The following DMD variants were observed in gnomAD, a reference collection of about 807,000 sequenced individuals.
The protein encoded by DMD is mutant dystrophin.
A neutral mutation model predicts 330.1 loss-of-function variants in DMD; 63 were observed. That is an observed-to-expected ratio of 0.19 (90% CI 0.16 to 0.24). The LOEUF is 0.24. Ranked by LOEUF, DMD falls within the 10% of genes least tolerant of loss-of-function variation. The probability of loss-of-function intolerance (pLI) is 1.00; values close to 1 mark genes in which losing one functional copy is unlikely to be tolerated. For missense variants in DMD, 3,344 were observed against 2,684.1 expected (o/e 1.25, Z -5.43); for synonymous variants, 1,223 against 959.8 (o/e 1.27, Z -5.07).
chrX:31,967,013 A>G (rs1025963168), intron 45 of DMD, among the ~76,000 whole-genome samples: 1 of 110,245 alleles, frequency 9.1e-6, no homozygotes, highest in Non-Finnish European at 1.9e-5. Context: ...ATTTCTTACC[A>G]TCTTAATTTG....
intron 57 of DMD, among the ~76,000 whole-genome samples, chrX:31,489,768 A>T (rs1362421578): frequency 8.9e-6 from 1 of 112,138 alleles, no homozygotes; most frequent in Non-Finnish European, 1.9e-5. Flanking sequence ...ACAGAAAAAA[A>T]TCAAGGGGAT....
chrX:31,321,360 G>A (rs1601847939), intron 62 of DMD, among the ~76,000 whole-genome samples: 2 of 109,188 alleles, frequency 1.8e-5, no homozygotes, highest in African/African-American at 3.3e-5. Flanking sequence ...CGAGGCGGGT[G>A]GATCACCTGA....
At chrX:32,157,216 C>A (rs1177129548) in intron 44 of DMD, among the ~76,000 whole-genome samples, 1 of 111,950 alleles carries the variant, frequency 8.9e-6, no homozygotes, top group Non-Finnish European at 1.9e-5. Flanking sequence ...TTCTTAATAT[C>A]CACTGAAGGA....
At chrX:32,594,374 G>A (rs1288221627) in intron 13 of DMD, among the ~76,000 whole-genome samples, 6 of 111,377 alleles carry the variant, frequency 5.4e-5, no homozygotes, top group Non-Finnish European at 1.1e-4. Context: ...ATGCCAGGGC[G>A]AAGGAAGAGA....
At chrX:32,427,624 A>G in intron 29 of DMD, among the ~76,000 whole-genome samples, 1 of 108,556 alleles carries the variant, frequency 9.2e-6, no homozygotes, top group East Asian at 2.9e-4. Flanking sequence ...ATTTTGGTAA[A>G]AAAAAAAAAA....
intron 64 of DMD, among the ~76,000 whole-genome samples, chrX:31,219,792 A>T (rs2045788425): frequency 1.9e-5 from 2 of 106,774 alleles, no homozygotes; most frequent in Admixed American, 1.0e-4. Context: ...ACGTAAGTTG[A>T]CCCAAGCAGT....
At chrX:33,155,482 A>T (rs188373140) in intron 1 of DMD, among the ~76,000 whole-genome samples, 3 of 109,978 alleles carry the variant, frequency 2.7e-5, no homozygotes, top group African/African-American at 9.9e-5. Flanking sequence ...CACCCAGCTA[A>T]TTTTTGTATT....
At chrX:32,138,206 A>G (rs1282628219) in intron 44 of DMD, among the ~76,000 whole-genome samples, 1 of 110,540 alleles carries the variant, frequency 9.0e-6, no homozygotes, top group African/African-American at 3.3e-5. Flanking sequence ...CATTTATGAC[A>G]CTGCTACAGT....
At chrX:31,180,233 C>T (rs1019006559) in intron 69 of DMD, 137 bp downstream of exon 69, 1 of 545,027 alleles carries the variant, frequency 1.8e-6, no homozygotes, top group Non-Finnish European at 3.3e-6. Flanking sequence ...CTGAAGCCTA[C>T]AGTTGAGAGC....
chrX:32,668,362 G>C (rs1344649124), intron 9 of DMD, among the ~76,000 whole-genome samples: 1 of 111,868 alleles, frequency 8.9e-6, no homozygotes, highest in African/African-American at 3.3e-5. Context: ...TTTACCTCAA[G>C]TGTAAGAATG....
At chrX:33,296,018 A>G (rs1211919389) in intron 1 of DMD, among the ~76,000 whole-genome samples, 1 of 111,781 alleles carries the variant, frequency 8.9e-6, no homozygotes, top group East Asian at 2.8e-4. Context: ...CATATATTCT[A>G]TATGAATTCT....
At chrX:31,472,715 G>A (rs1448263188) in intron 59 of DMD, among the ~76,000 whole-genome samples, 1 of 111,824 alleles carries the variant, frequency 8.9e-6, no homozygotes, top group Non-Finnish European at 1.9e-5. Flanking sequence ...AAATAAGGAT[G>A]GCATCGTCAC....
At chrX:32,351,887 C>A (rs778983247) in intron 37 of DMD, among the ~76,000 whole-genome samples, 4 of 110,327 alleles carry the variant, frequency 3.6e-5, no homozygotes, top group African/African-American at 1.3e-4. Flanking sequence ...GGAGAGACTA[C>A]CAAAAACTGA....
intron 50 of DMD, among the ~76,000 whole-genome samples, chrX:31,782,594 TA>T (rs768498645): frequency 2.6e-3 from 262 of 101,725 alleles, no homozygotes; most frequent in African/African-American, 5.9e-3. Context: ...AATCATGAGC[TA>T]AAAAAAAAAA....
At chrX:32,780,894 A>C (rs1014543686) in intron 7 of DMD, among the ~76,000 whole-genome samples, 6 of 109,006 alleles carry the variant, frequency 5.5e-5, no homozygotes, top group Middle Eastern at 9.2e-3. Flanking sequence ...GATCGAGACC[A>C]TCCTGGCTAA....
intron 7 of DMD, among the ~76,000 whole-genome samples, chrX:32,791,377 T>C (rs1217180041): frequency 9.0e-6 from 1 of 111,445 alleles, no homozygotes; most frequent in Non-Finnish European, 1.9e-5. Context: ...TCAATGCCAA[T>C]GTACACAGCT....
chrX:33,310,738 C>T (rs1224438452), intron 1 of DMD, among the ~76,000 whole-genome samples: 1 of 110,858 alleles, frequency 9.0e-6, no homozygotes, highest in Non-Finnish European at 1.9e-5. Context: ...TTGCAAGCCA[C>T]AGAAAGTCAG....
intron 19 of DMD, among the ~76,000 whole-genome samples, chrX:32,499,690 C>T (rs1180260320): frequency 9.0e-6 from 1 of 111,255 alleles, no homozygotes; most frequent in Non-Finnish European, 1.9e-5. Flanking sequence ...TCCTAGTTTA[C>T]AGAAAGCTTC....
At chrX:31,727,391 C>T (rs972751963) in intron 52 of DMD, among the ~76,000 whole-genome samples, 3 of 111,911 alleles carry the variant, frequency 2.7e-5, no homozygotes. Flanking sequence ...AAATCTGTTC[C>T]TCTTCCTAGG....
Sources: gnomAD v4.1 joint callset for allele counts (sites outside exome capture counted in the v4.1 genomes callset) on GRCh38, gnomAD v4.1.1 for gene constraint, MANE v1.5 for transcripts, NCBI Gene and HGNC (gene_info 2026-07-23, HGNC 2026-07-21) for gene names.